ADGRL3: variants seen among roughly 807,000 people sequenced by gnomAD.
ADGRL3 encodes the protein calcium-independent alpha-latrotoxin receptor 3.
A neutral mutation model predicts 153.5 loss-of-function variants in ADGRL3; 62 were observed. That is an observed-to-expected ratio of 0.40 (90% CI 0.33 to 0.50). The LOEUF is 0.50. ADGRL3 is among the 20% of genes least tolerant of loss of function. ADGRL3 has a pLI of 0.47. For synonymous variants in ADGRL3, 710 were observed against 672.5 expected (o/e 1.06, Z -0.86); for missense variants, 1,641 against 1,859.4 (o/e 0.88, Z 2.16).
intron 1 of ADGRL3, among the ~76,000 whole-genome samples, chr4:61,376,271 T>G (rs2151827026): frequency 6.6e-6 from 1 of 152,208 alleles, no homozygotes; most frequent in Non-Finnish European, 1.5e-5. Flanking sequence ...TGAGAGAAGC[T>G]TAATAATTCC....
chr4:61,793,453 A>G (rs993201314), intron 8 of ADGRL3, among the ~76,000 whole-genome samples: 1 of 151,968 alleles, frequency 6.6e-6, no homozygotes, highest in Non-Finnish European at 1.5e-5. Context: ...ATCAGATCTC[A>G]TGAGGCTTAT....
intron 2 of ADGRL3, among the ~76,000 whole-genome samples, chr4:61,484,979 C>A (rs1453519125): frequency 6.6e-6 from 1 of 152,114 alleles, no homozygotes. Context: ...GATTTCAAAA[C>A]CATAAATATG....
intron 2 of ADGRL3, among the ~76,000 whole-genome samples, chr4:61,458,163 T>C (rs529323775): frequency 5.3e-5 from 8 of 151,894 alleles, no homozygotes; most frequent in Admixed American, 5.2e-4. Flanking sequence ...TTTATTCCAC[T>C]GTTATTTAAT....
In ADGRL3 at chr4:62,074,109, AC is replaced by A. The variant is rs1746444989; in HGVS notation, c.*3203del. On this transcript the variant is annotated 3_prime_UTR_variant, in exon 27 of 27. Transcript: ENST00000683033. ...TTTTTTAATTGTTCTTTTTTCTACC[AC>A]CTTTTGTGACTCAATTTTTTAAGAT... is the stretch of plus-strand genomic sequence containing the variant. 5.8e-5 allele frequency: 8 copies of A among 139,010 alleles called. No homozygotes were observed. The South Asian group carries it at 1.8e-3, about 31-fold the overall frequency. The allele number at this position is 139,010 out of a possible 1,614,324, so 8.6% of individuals were successfully genotyped here. A position where few individuals can be genotyped will look rare whatever the true frequency, so the allele number is the denominator to read the frequency against.
chr4:62,058,395 T>G (rs914697529), intron 25 of ADGRL3, among the ~76,000 whole-genome samples: 3 of 152,178 alleles, frequency 2.0e-5, no homozygotes, highest in African/African-American at 7.2e-5. Context: ...ATAAGACTAC[T>G]CATAATGGAT....
chr4:61,842,626 T>TA (rs1045296319), intron 9 of ADGRL3, among the ~76,000 whole-genome samples: 6 of 151,738 alleles, frequency 4.0e-5, no homozygotes, highest in African/African-American at 4.8e-5. Context: ...TGTTTTTCCT[T>TA]AAAAAAAATC....
intron 5 of ADGRL3, among the ~76,000 whole-genome samples, chr4:61,630,788 A>G (rs2150015774): frequency 6.6e-6 from 1 of 152,322 alleles, no homozygotes; most frequent in Non-Finnish European, 1.5e-5. Flanking sequence ...ATGGACAGGG[A>G]AATAGATGGT....
chr4:62,029,728 G>A (rs181239691), intron 22 of ADGRL3, among the ~76,000 whole-genome samples: 5 of 148,372 alleles, frequency 3.4e-5, no homozygotes, highest in South Asian at 2.1e-4. Flanking sequence ...TTTAGAAATC[G>A]GGGCTCATTG....
At chr4:61,421,935 C>G (rs2097212253) in intron 2 of ADGRL3, among the ~76,000 whole-genome samples, 1 of 152,082 alleles carries the variant, frequency 6.6e-6, no homozygotes, top group Admixed American at 6.6e-5. Flanking sequence ...CTAAAAACAT[C>G]TATTTATCCT....
At chr4:61,723,544 G>A (rs1561125956) in intron 6 of ADGRL3, among the ~76,000 whole-genome samples, 1 of 152,102 alleles carries the variant, frequency 6.6e-6, no homozygotes, top group Non-Finnish European at 1.5e-5. Context: ...TAGGGCCCAG[G>A]GGATTGGTTT....
At chr4:61,916,305 A>G (rs913507043) in intron 13 of ADGRL3, among the ~76,000 whole-genome samples, 1 of 152,188 alleles carries the variant, frequency 6.6e-6, no homozygotes, top group African/African-American at 2.4e-5. Flanking sequence ...TGAGAATCAC[A>G]AGATATAAAT....
intron 4 of ADGRL3, among the ~76,000 whole-genome samples, chr4:61,522,247 T>C (rs1301328138): frequency 6.6e-6 from 1 of 152,162 alleles, no homozygotes; most frequent in African/African-American, 2.4e-5. Flanking sequence ...TCATTAATAA[T>C]GTAACATAGC....
At chr4:61,635,189 C>A (rs937022573) in intron 5 of ADGRL3, among the ~76,000 whole-genome samples, 2 of 152,066 alleles carry the variant, frequency 1.3e-5, no homozygotes, top group Non-Finnish European at 2.9e-5. Flanking sequence ...TACATATGCA[C>A]AAGACTGGAC....
In ADGRL3 at chr4:61,581,854, C is replaced by G. The variant is rs375231834; in HGVS notation, c.260-5373C>G. Among the ~76,000 whole-genome samples the G allele has an allele frequency of 1.7e-4, 26 of 152,102 alleles. 1 individual carries two copies. The highest frequency in any genetic ancestry group is 6.0e-4 in the African/African-American group (25 of 41,522). ...CATCAAATCATGTAATTTTTTGTTC[C>G]TAAACGTTGTTCAAATACATTCTTT... On this transcript the variant is annotated intron_variant, in intron 4 of 26. Coordinates refer to ENST00000683033, the MANE Select transcript of ADGRL3 (RefSeq NM_001387552.1).
chr4:61,957,622 GT>G (rs1410603642), intron 17 of ADGRL3, among the ~76,000 whole-genome samples: 4 of 150,496 alleles, frequency 2.7e-5, no homozygotes, highest in Middle Eastern at 6.8e-3. Context: ...CAGGCTGGAG[GT>G]TACATTTATA....
At chr4:61,755,086 C>T (rs2096807138) in intron 8 of ADGRL3, among the ~76,000 whole-genome samples, 1 of 152,152 alleles carries the variant, frequency 6.6e-6, no homozygotes, top group South Asian at 2.1e-4. Context: ...CATATGTGTG[C>T]ATGTGTCTTT....
At chr4:62,015,709 C>T (rs950965643) in intron 21 of ADGRL3, among the ~76,000 whole-genome samples, 5 of 151,998 alleles carry the variant, frequency 3.3e-5, no homozygotes, top group African/African-American at 1.2e-4. Flanking sequence ...ACTTGTGTGC[C>T]TATTTGTTTC....
chr4:61,720,907 G>C (rs976055789), intron 6 of ADGRL3, among the ~76,000 whole-genome samples: 2 of 152,096 alleles, frequency 1.3e-5, no homozygotes, highest in Non-Finnish European at 2.9e-5. Context: ...TCAAACACCA[G>C]CTCTACCGAT....
At position 61,979,544 on chromosome 4, in the gene ADGRL3, T is replaced by G; in HGVS notation, c.2806-19T>G. On this transcript the variant is annotated intron_variant, in intron 17 of 26. Transcript: ENST00000683033. Reference sequence around the variant, plus strand: ...GTTATGCATAAGCGCAACTTATGGCTTTTTCATTGTGTTTCCAGCACAGTG... The same window carrying G: ...GTTATGCATAAGCGCAACTTATGGCGTTTTCATTGTGTTTCCAGCACAGTG... 4.3e-6 allele frequency: 7 copies of G among 1,610,888 alleles called. No individual in the cohort carries two copies. The South Asian group carries it at 7.7e-5, about 18-fold the overall frequency.
Sources: allele counts gnomAD v4.1 joint callset (sites outside exome capture counted in the v4.1 genomes callset), GRCh38; gene constraint gnomAD v4.1.1; transcripts MANE v1.5; gene names NCBI Gene and HGNC (gene_info 2026-07-23, HGNC 2026-07-21).